The following ARNT2 variants were observed in gnomAD, a reference collection of about 807,000 sequenced individuals.
The protein encoded by ARNT2 is ARNT protein 2.
ARNT2 carries 36 observed loss-of-function variants against 91.7 expected under a neutral mutation model. That is an observed-to-expected ratio of 0.39 (90% CI 0.30 to 0.52). The LOEUF is 0.52. ARNT2 is among the 20% of genes least tolerant of loss of function. The pLI, the probability that ARNT2 is intolerant of heterozygous loss-of-function variation, is 0.72. For synonymous variants in ARNT2, 365 were observed against 347.1 expected, an observed-to-expected ratio of 1.05 and a Z score of -0.57; for missense variants, 775 against 939.3, an observed-to-expected ratio of 0.83 and a Z score of 2.29.
chr15:80,412,872 G>A (rs1054416902), intron 1 of ARNT2, among the ~76,000 whole-genome samples: 4 of 152,164 alleles, frequency 2.6e-5, no homozygotes, highest in African/African-American at 9.7e-5. Context: ...TCAGAGAGAG[G>A]CTCAGAGATT....
rs773687274 is a variant in ARNT2 at position 80,470,200 on chromosome 15, C to A, written c.195-18C>A. 3 of 1,609,274 alleles carry A rather than the reference C, an allele frequency of 1.9e-6. No individual in the cohort carries two copies. The highest frequency in any genetic ancestry group is 2.5e-6 in the Non-Finnish European group (3 of 1,176,666). ...TTCTCTTTTTTCCCCCTCTCCTGAT[C>A]TCGTGCTTTCTGGAAAGAGAGAATC... On this transcript the variant is annotated intron_variant, in intron 3 of 18. Transcript: ENST00000303329.
intron 3 of ARNT2, among the ~76,000 whole-genome samples, chr15:80,465,852 C>T (rs748975688): frequency 6.6e-6 from 1 of 152,184 alleles, no homozygotes; most frequent in Non-Finnish European, 1.5e-5. Context: ...GAGCTCTCCC[C>T]ATCGCACACT....
intron 1 of ARNT2, among the ~76,000 whole-genome samples, chr15:80,437,163 G>GT (rs1896100147): frequency 6.6e-6 from 1 of 152,114 alleles, no homozygotes; most frequent in African/African-American, 2.4e-5. Flanking sequence ...GTGGAGAGAA[G>GT]TGGGCCTTCA....
At chr15:80,567,944 G>A (rs1470412368) in intron 12 of ARNT2, among the ~76,000 whole-genome samples, 1 of 152,208 alleles carries the variant, frequency 6.6e-6, no homozygotes, top group Admixed American at 6.5e-5. Context: ...GTTATGGAAA[G>A]ATCCTTAAAT....
chr15:80,493,579 C>G (rs2141413384), intron 5 of ARNT2, among the ~76,000 whole-genome samples: 1 of 152,308 alleles, frequency 6.6e-6, no homozygotes, highest in Non-Finnish European at 1.5e-5. Flanking sequence ...TGAGGGGGCT[C>G]TGCCTCTGGC....
chr15:80,408,903 A>G (rs979098542), intron 1 of ARNT2, among the ~76,000 whole-genome samples: 3 of 152,198 alleles, frequency 2.0e-5, no homozygotes, highest in Non-Finnish European at 4.4e-5. Context: ...TAAAAAGTTA[A>G]TTTTTAAAGG....
chr15:80,457,002 C>G (rs1896490810), intron 2 of ARNT2, among the ~76,000 whole-genome samples: 1 of 152,238 alleles, frequency 6.6e-6, no homozygotes, highest in South Asian at 2.1e-4. Flanking sequence ...AGGAGCTCCA[C>G]TCACGTGGAT....
At chr15:80,505,964 C>T (rs902729710) in intron 5 of ARNT2, among the ~76,000 whole-genome samples, 4 of 104,206 alleles carry the variant, frequency 3.8e-5, no homozygotes, top group African/African-American at 1.6e-4. Flanking sequence ...GAGTCTTGCT[C>T]TGTCGCCCAG....
At chr15:80,586,604 A>G (rs1596026787) in intron 17 of ARNT2, among the ~76,000 whole-genome samples, 1 of 152,130 alleles carries the variant, frequency 6.6e-6, no homozygotes, top group South Asian at 2.1e-4. Context: ...GGTGGCTCAT[A>G]CCTGTAATCC....
chr15:80,587,190 G>GT (rs941537366), intron 17 of ARNT2, among the ~76,000 whole-genome samples: 24 of 152,326 alleles, frequency 1.6e-4, no homozygotes, highest in African/African-American at 5.8e-4. Flanking sequence ...GTAAGACAAT[G>GT]AGCTGCCCTT....
At chr15:80,452,798 C>T (rs564144304) in intron 2 of ARNT2, among the ~76,000 whole-genome samples, 40 of 152,318 alleles carry the variant, frequency 2.6e-4, no homozygotes, top group African/African-American at 9.4e-4. Flanking sequence ...TCCTCTTCCC[C>T]TCCCGTAGGG....
intron 13 of ARNT2, among the ~76,000 whole-genome samples, chr15:80,574,598 C>T (rs1898636594): frequency 6.6e-6 from 1 of 152,244 alleles, no homozygotes; most frequent in African/African-American, 2.4e-5. Flanking sequence ...TCCTGTTCTT[C>T]CTCAATGTGC....
At position 80,475,342 on chromosome 15, in the gene ARNT2, C is replaced by T. The variant is rs1452721827; in HGVS notation, c.622+119C>T. 8 of 1,019,622 alleles carry T rather than the reference C, an allele frequency of 7.8e-6. No individual in the cohort carries two copies. In the East Asian group the frequency reaches 2.1e-4, roughly 27 times the overall value. The allele number at this position is 1,019,622 out of a possible 1,614,324, so 63.2% of individuals were successfully genotyped here. A position where few individuals can be genotyped will look rare whatever the true frequency, so the allele number is the denominator to read the frequency against. ...GGCTGAGGCGGGTGGATCACGAGGT[C>T]AGGAGATCAAGACCATCCTGGCTAA... On this transcript the variant is annotated intron_variant, in intron 5 of 18. Coordinates refer to ENST00000303329, the MANE Select transcript of ARNT2 (RefSeq NM_014862.4).
chr15:80,422,664 A>G lies in ARNT2; in HGVS notation c.31+18118A>G, dbSNP rs147934642. Among the ~76,000 whole-genome samples, 929 of 152,366 alleles carry G rather than the reference A, an allele frequency of 6.1e-3. 8 individuals carry two copies. The highest frequency in any genetic ancestry group is 0.021 in the African/African-American group (884 of 41,586). Reference sequence around the variant, plus strand: ...AAAGATAAACATGCTTCGGCTATCAATAATAACAACATGTACTTTGTGAGG... The same window carrying G: ...AAAGATAAACATGCTTCGGCTATCAGTAATAACAACATGTACTTTGTGAGG... On this transcript the variant is annotated intron_variant, in intron 1 of 18. Coordinates refer to ENST00000303329, the MANE Select transcript of ARNT2 (RefSeq NM_014862.4).
At chr15:80,534,081 T>G (rs1897783234) in intron 8 of ARNT2, among the ~76,000 whole-genome samples, 1 of 152,248 alleles carries the variant, frequency 6.6e-6, no homozygotes, top group Non-Finnish European at 1.5e-5. Context: ...CATGATTTAG[T>G]GGCAGTAAAT....
rs966644221 is a variant in ARNT2 at position 80,591,780 on chromosome 15, G to A, written c.2055+76G>A. 13 of 1,585,278 alleles carry A rather than the reference G, an allele frequency of 8.2e-6. No homozygotes were observed. The highest frequency in any genetic ancestry group is 4.0e-5 in the African/African-American group (3 of 74,510). On this transcript the variant is annotated intron_variant, in intron 18 of 18. Coordinates refer to ENST00000303329, the MANE Select transcript of ARNT2 (RefSeq NM_014862.4). The surrounding 1 kb of genome is among the most constrained non-coding windows in gnomAD (Gnocchi z 5.1). ...CTTCCTTTCCCCCTCGGTCTCTGCC[G>A]CACCACCGCCTGCCCGATAGCCGTC...
At chr15:80,461,106 C>T (rs1383800009) in intron 3 of ARNT2, among the ~76,000 whole-genome samples, 1 of 152,070 alleles carries the variant, frequency 6.6e-6, no homozygotes, top group Non-Finnish European at 1.5e-5. Context: ...TTTAGGGTGG[C>T]CCTGGGTTGA....
chr15:80,581,152 T>C (rs1188577312), intron 16 of ARNT2, 87 bp from the exon 17 acceptor site: 2 of 1,505,938 alleles, frequency 1.3e-6, no homozygotes, highest in East Asian at 2.3e-5. Context: ...GAGCAGGCAC[T>C]GCCCCTGCGA....
intron 17 of ARNT2, among the ~76,000 whole-genome samples, chr15:80,589,421 T>G (rs1304915055): frequency 6.6e-6 from 1 of 152,172 alleles, no homozygotes; most frequent in Non-Finnish European, 1.5e-5. Context: ...GAGGAAGGGC[T>G]GAGGGCATTG....
Sources: allele counts gnomAD v4.1 joint callset (sites outside exome capture counted in the v4.1 genomes callset), GRCh38; gene constraint gnomAD v4.1.1; non-coding constraint Gnocchi (gnomAD v3.1); transcripts MANE v1.5; gene names NCBI Gene and HGNC (gene_info 2026-07-23, HGNC 2026-07-21).